Variants in IGSF11 observed in about 807,000 individuals in gnomAD.
IGSF11 encodes the protein immunoglobulin superfamily member 11.
A neutral mutation model predicts 41.0 loss-of-function variants in IGSF11; 22 were observed. The ratio of observed to expected loss-of-function variants is 0.54; its 90% CI spans 0.38 to 0.77. IGSF11 has a LOEUF of 0.77. Ranked by LOEUF, IGSF11 falls within the 30% of genes least tolerant of loss-of-function variation. The pLI is 0.00. For synonymous variants in IGSF11, 219 were observed against 201.3 expected (o/e 1.09, Z -0.74); for missense variants, 444 against 530.8 (o/e 0.84, Z 1.61).
At chr3:119,057,770 C>CA (rs1488883540) in intron 1 of IGSF11, among the ~76,000 whole-genome samples, 9 of 152,282 alleles carry the variant, frequency 5.9e-5, no homozygotes, top group African/African-American at 2.2e-4. Context: ...GGTACCAAAA[C>CA]AGAGATACAG....
Position 119,104,544 on chromosome 3 carries a change from T to C in IGSF11, c.49+600A>G, listed in dbSNP as rs752908906. Among the ~76,000 whole-genome samples the C allele has an allele frequency of 5.3e-5, 8 of 152,284 alleles. 1 individual carries two copies. The highest frequency in any genetic ancestry group is 3.9e-4 in the East Asian group (2 of 5,184). The stretch of plus-strand genomic sequence containing the variant: ...AAAGCACTGTGCTAAGCAATTTCTA[T>C]GTATTAACTCATTTATTTTCACAGC... On this transcript the variant is annotated intron_variant, in intron 1 of 6. Transcript: ENST00000354673.
At chr3:118,945,171 C>CA (rs992435975) in intron 1 of IGSF11, among the ~76,000 whole-genome samples, 1 of 151,834 alleles carries the variant, frequency 6.6e-6, no homozygotes, top group African/African-American at 2.4e-5. Context: ...AATTTGATCT[C>CA]AAAAAATAAC....
intron 4 of IGSF11, among the ~76,000 whole-genome samples, chr3:118,909,638 C>T (rs898597242): frequency 2.0e-5 from 3 of 152,218 alleles, no homozygotes; most frequent in African/African-American, 7.2e-5. Flanking sequence ...AATAGAATTT[C>T]CAAGGGCACC....
intron 4 of IGSF11, among the ~76,000 whole-genome samples, chr3:118,923,520 T>C (rs1389765871): frequency 6.6e-6 from 1 of 152,180 alleles, no homozygotes; most frequent in African/African-American, 2.4e-5. Flanking sequence ...ACCATGTCCT[T>C]TATAGCTATT....
chr3:118,912,661 GA>G (rs1940480118), intron 4 of IGSF11, among the ~76,000 whole-genome samples: 1 of 152,134 alleles, frequency 6.6e-6, no homozygotes. Flanking sequence ...TCACATGAGG[GA>G]AACAGGAAAG....
intron 1 of IGSF11, among the ~76,000 whole-genome samples, chr3:118,934,463 G>A (rs781298773): frequency 3.3e-5 from 5 of 152,144 alleles, no homozygotes; most frequent in Non-Finnish European, 5.9e-5. Context: ...ATTTCTGAAA[G>A]TACTGCCTTG....
At chr3:119,130,056 A>G (rs2077458240) in intron 1 of IGSF11, among the ~76,000 whole-genome samples, 1 of 152,188 alleles carries the variant, frequency 6.6e-6, no homozygotes, top group South Asian at 2.1e-4. Flanking sequence ...AATCACCTTC[A>G]CTAAAAAGAA....
intron 1 of IGSF11, among the ~76,000 whole-genome samples, chr3:119,098,673 G>A (rs949194033): frequency 3.5e-4 from 54 of 152,236 alleles, no homozygotes; most frequent in African/African-American, 1.2e-3. Flanking sequence ...GTTTCCACTT[G>A]GCCAGAAAGT....
At chr3:118,952,150 C>T (rs1044705116) in intron 1 of IGSF11, among the ~76,000 whole-genome samples, 2 of 152,078 alleles carry the variant, frequency 1.3e-5, no homozygotes, top group East Asian at 1.9e-4. Context: ...GTAAAAAACA[C>T]TTCATGGCTA....
chr3:118,981,685 G>A (rs1934736303), intron 1 of IGSF11: 2 of 152,326 alleles, frequency 1.3e-5, no homozygotes, highest in Non-Finnish European at 2.9e-5. Context: ...CATACATACT[G>A]TGCAGATATG....
intron 1 of IGSF11, among the ~76,000 whole-genome samples, chr3:119,093,088 G>A (rs535156615): frequency 2.0e-4 from 31 of 152,076 alleles, no homozygotes; most frequent in South Asian, 6.2e-4. Context: ...ACACATGATT[G>A]TATATTAAGA....
chr3:118,917,011 G>T (rs997659241), intron 4 of IGSF11, among the ~76,000 whole-genome samples: 1 of 152,012 alleles, frequency 6.6e-6, no homozygotes, highest in Non-Finnish European at 1.5e-5. Flanking sequence ...ATGACTACTG[G>T]GTACATAAGG....
chr3:119,107,470 G>A (rs2077053477), upstream of IGSF11, among the ~76,000 whole-genome samples: 1 of 151,568 alleles, frequency 6.6e-6, no homozygotes. Context: ...TGAGTTCATT[G>A]TAGATTCTGG....
intron 1 of IGSF11, among the ~76,000 whole-genome samples, chr3:119,120,616 C>T (rs1350001066): frequency 6.6e-6 from 1 of 152,150 alleles, no homozygotes; most frequent in African/African-American, 2.4e-5. Context: ...ACCAGGTGTG[C>T]CATTTACATA....
chr3:119,000,348 T>G (rs959293356), intron 1 of IGSF11, among the ~76,000 whole-genome samples: 1 of 150,736 alleles, frequency 6.6e-6, no homozygotes, highest in Non-Finnish European at 1.5e-5. Flanking sequence ...CCTTTGGAAC[T>G]CCAGTCATAT....
intron 4 of IGSF11, among the ~76,000 whole-genome samples, chr3:118,923,805 C>T (rs1942051512): frequency 6.6e-6 from 1 of 152,136 alleles, no homozygotes; most frequent in Non-Finnish European, 1.5e-5. Flanking sequence ...TTTTTGACAG[C>T]AATATCACAG....
chr3:119,108,379 GCTCT>G (rs1325303294), upstream of IGSF11, among the ~76,000 whole-genome samples: 6 of 143,056 alleles, frequency 4.2e-5, no homozygotes, highest in Non-Finnish European at 7.7e-5. Flanking sequence ...TCATGATTTG[GCTCT>G]CTGTTTGTCT....
intron 1 of IGSF11, among the ~76,000 whole-genome samples, chr3:119,087,073 C>T (rs1300047279): frequency 1.3e-5 from 2 of 151,948 alleles, no homozygotes; most frequent in South Asian, 4.2e-4. Context: ...AACATGGAAA[C>T]GGAAAGTAAA....
chr3:119,104,386 C>A (rs922345145), intron 1 of IGSF11, among the ~76,000 whole-genome samples: 1 of 152,150 alleles, frequency 6.6e-6, no homozygotes, highest in Non-Finnish European at 1.5e-5. Context: ...TGCCTCCAAG[C>A]ATGTAATATG....
Sources: gnomAD v4.1 joint callset for allele counts (sites outside exome capture counted in the v4.1 genomes callset) on GRCh38, gnomAD v4.1.1 for gene constraint, MANE v1.5 for transcripts, NCBI Gene and HGNC (gene_info 2026-07-23, HGNC 2026-07-21) for gene names.